Variants in DPH6 observed in about 807,000 individuals in gnomAD.
DPH6 encodes the protein diphthamine biosynthesis 6.
Under a neutral mutation model 38.2 loss-of-function variants are expected in DPH6, and 33 were observed. That is an observed-to-expected ratio of 0.86 (90% confidence interval 0.65 to 1.15). The LOEUF (loss-of-function observed/expected upper bound fraction) is 1.15, where lower values mean the gene tolerates loss of function less well. DPH6 is among the 50% of genes most tolerant of loss of function. The pLI is 0.00. For synonymous variants in DPH6, 108 were observed against 103.0 expected (o/e 1.05, Z -0.30); for missense variants, 325 against 320.0 (o/e 1.02, Z -0.12).
chr15:35,351,563 C>T (rs964335472), intron 3 of DPH6, among the ~76,000 whole-genome samples: 1 of 152,020 alleles, frequency 6.6e-6, no homozygotes, highest in African/African-American at 2.4e-5. Context: ...TGTGTATCCA[C>T]TTTACATTAT....
intron 3 of DPH6, among the ~76,000 whole-genome samples, chr15:35,240,900 G>A (rs1455318747): frequency 7.0e-6 from 1 of 143,284 alleles, no homozygotes; most frequent in Non-Finnish European, 1.5e-5. Flanking sequence ...CCTTCAAGGT[G>A]TACAATAATA....
At chr15:35,516,727 T>C (rs1222913086) in intron 3 of DPH6, among the ~76,000 whole-genome samples, 1 of 152,216 alleles carries the variant, frequency 6.6e-6, no homozygotes, top group Non-Finnish European at 1.5e-5. Context: ...GCAATCATTT[T>C]TTTGGTCTCA....
intron 3 of DPH6, among the ~76,000 whole-genome samples, chr15:35,483,642 T>C (rs1446076538): frequency 6.6e-6 from 1 of 152,178 alleles, no homozygotes; most frequent in Non-Finnish European, 1.5e-5. Flanking sequence ...AACAGCTTGG[T>C]AGTTTGAAAG....
At chr15:35,396,325 A>T (rs1293897530) in intron 6 of DPH6, 6 of 152,198 alleles carry the variant, frequency 3.9e-5, no homozygotes, top group Admixed American at 2.0e-4. Flanking sequence ...CGCTGGCAGA[A>T]ACTAACCAAG....
chr15:35,496,591 T>TATATATATATATATATATATA (rs1595417564), intron 3 of DPH6, among the ~76,000 whole-genome samples: 1 of 119,862 alleles, frequency 8.3e-6, no homozygotes, highest in Non-Finnish European at 1.7e-5. Context: ...TATATATATA[T>TATATATATATATATATATATA]CCTCTACCAA....
intron 3 of DPH6, among the ~76,000 whole-genome samples, chr15:35,511,103 C>T (rs2054763562): frequency 6.6e-6 from 1 of 152,148 alleles, no homozygotes; most frequent in East Asian, 1.9e-4. Flanking sequence ...CAGGCTCCAT[C>T]CAGACCAACT....
At chr15:35,436,842 T>A (rs2053722781) in intron 5 of DPH6, among the ~76,000 whole-genome samples, 1 of 151,088 alleles carries the variant, frequency 6.6e-6, no homozygotes, top group Admixed American at 6.6e-5. Flanking sequence ...GACATTTTAC[T>A]AGGCCAGGAC....
At position 35,371,470 on chromosome 15, in the gene DPH6, A is replaced by G. The variant is rs186037339; in HGVS notation, c.*680T>C. On this transcript the variant is annotated 3_prime_UTR_variant, in exon 9 of 9. Transcript: ENST00000256538. ...TGTGTGGAGGTAGAGGGTATATGGG[A>G]AATCTCTGCATTTTCTGCTCCATTT... The G allele has an allele frequency of 8.6e-4, 531 of 616,074 alleles. 1 individual carries two copies. The African/African-American group carries it at 9.8e-3, about 11-fold the overall frequency. 38.2% of individuals were successfully genotyped at this position (616,074 alleles called of 1,614,324 possible). A position where few individuals can be genotyped will look rare whatever the true frequency, so the allele number is the denominator to read the frequency against.
intron 3 of DPH6, among the ~76,000 whole-genome samples, chr15:35,482,803 C>T (rs968055341): frequency 3.3e-5 from 5 of 151,692 alleles, no homozygotes; most frequent in African/African-American, 1.2e-4. Context: ...ACCAAAAGCA[C>T]GAACCATAAA....
At chr15:35,400,273 T>A (rs1417591301) in intron 6 of DPH6, among the ~76,000 whole-genome samples, 1 of 152,244 alleles carries the variant, frequency 6.6e-6, no homozygotes, top group African/African-American at 2.4e-5. Context: ...GTTTATTACC[T>A]GACTTAGCTG....
At chr15:35,160,085 C>T in the DPH6 span, among the ~76,000 whole-genome samples, 6 of 151,956 alleles carry the variant, frequency 3.9e-5, no homozygotes, top group Admixed American at 1.3e-4. Flanking sequence ...AGCTACCTAT[C>T]GGGTACTATG....
intron 3 of DPH6, among the ~76,000 whole-genome samples, chr15:35,483,463 CA>C (rs202155666): frequency 3.2e-5 from 3 of 94,122 alleles, no homozygotes; most frequent in East Asian, 3.1e-4. Flanking sequence ...GACTCTGTCT[CA>C]AAAAAAAACC....
chr15:35,230,721 G>A (rs1200261292), intron 3 of DPH6, among the ~76,000 whole-genome samples: 1 of 152,142 alleles, frequency 6.6e-6, no homozygotes, highest in African/African-American at 2.4e-5. Flanking sequence ...CAGTTAGCAG[G>A]TGATGAATCC....
At chr15:35,430,664 T>C (rs896316375) in intron 5 of DPH6, among the ~76,000 whole-genome samples, 2 of 152,206 alleles carry the variant, frequency 1.3e-5, no homozygotes, top group African/African-American at 4.8e-5. Context: ...AATTATGTTT[T>C]CAACTGCTTA....
intron 3 of DPH6, among the ~76,000 whole-genome samples, chr15:35,263,043 T>C (rs2051759578): frequency 2.0e-5 from 3 of 152,204 alleles, no homozygotes; most frequent in Admixed American, 2.0e-4. Flanking sequence ...AAGATCTCTA[T>C]TTGACACCAT....
chr15:35,320,267 T>C (rs912969806), intron 3 of DPH6, among the ~76,000 whole-genome samples: 2 of 152,228 alleles, frequency 1.3e-5, no homozygotes, highest in Non-Finnish European at 2.9e-5. Context: ...TCTCTCTGGT[T>C]CTTATATTGT....
intron 3 of DPH6, among the ~76,000 whole-genome samples, chr15:35,236,095 C>CA (rs1292343380): frequency 1.4e-4 from 21 of 152,180 alleles, no homozygotes; most frequent in African/African-American, 5.1e-4. Context: ...TTCTTACTCT[C>CA]ATATGCATAA....
rs371533654 is a variant in DPH6, at chr15:35,436,504, C to CAAAAAAAAAAAAAA, written c.505+14180_505+14181insTTTTTTTTTTTTTT. 4.4e-4 allele frequency among the ~76,000 whole-genome samples: 48 copies of CAAAAAAAAAAAAAA among 108,122 alleles called. 1 individual carries two copies. Among genetic ancestry groups the CAAAAAAAAAAAAAA allele is most frequent in the Middle Eastern group, 4.5e-3 (1 of 224 alleles). 70.9% of individuals were successfully genotyped at this position (108,122 alleles called of 152,430 possible). A position where few individuals can be genotyped will look rare whatever the true frequency, so the allele number is the denominator to read the frequency against. On this transcript the variant is annotated intron_variant, in intron 5 of 8. Transcript: ENST00000256538. ...AAAAACAAAACAAAACAAAACAAAA[C>CAAAAAAAAAAAAAA]AAAACAAAACAAAAAAGGTTCTCTC...
At chr15:35,458,662 G>C (rs2054026415) in intron 3 of DPH6, among the ~76,000 whole-genome samples, 1 of 152,116 alleles carries the variant, frequency 6.6e-6, no homozygotes, top group African/African-American at 2.4e-5. Flanking sequence ...TACTGAGACA[G>C]CATAAAGACA....
Sources: gnomAD v4.1 joint callset for allele counts (sites outside exome capture counted in the v4.1 genomes callset) on GRCh38, gnomAD v4.1.1 for gene constraint, MANE v1.5 for transcripts, NCBI Gene and HGNC (gene_info 2026-07-23, HGNC 2026-07-21) for gene names.